Variants in MAP2 observed in about 807,000 individuals in gnomAD.
MAP2 encodes the protein microtubule associated protein 2, also known as microtubule-associated protein 2.
MAP2 carries 14 observed loss-of-function variants against 137.6 expected under a neutral mutation model. The observed-to-expected ratio is 0.10, with a 90% CI of 0.07 to 0.16. The LOEUF (loss-of-function observed/expected upper bound fraction) is 0.16, where lower values mean the gene tolerates loss of function less well. Ranked by LOEUF, MAP2 falls within the 10% of genes least tolerant of loss-of-function variation. The pLI is 1.00. For missense variants in MAP2, 2,088 were observed against 2,191.5 expected, an observed-to-expected ratio of 0.95 and a Z score of 0.94; for synonymous variants, 786 against 782.3, an observed-to-expected ratio of 1.00 and a Z score of -0.08.
At chr2:209,608,053 T>G (rs1049721608) in intron 3 of MAP2, among the ~76,000 whole-genome samples, 2 of 152,180 alleles carry the variant, frequency 1.3e-5, no homozygotes, top group Non-Finnish European at 2.9e-5. Context: ...AATGGAACAG[T>G]TGCCTTTTAC....
chr2:209,573,481 A>G (rs1289449222), intron 2 of MAP2, among the ~76,000 whole-genome samples: 1 of 151,498 alleles, frequency 6.6e-6, no homozygotes, highest in African/African-American at 2.4e-5. Flanking sequence ...TTTAGTAGAG[A>G]CAGGGTTTCC....
intron 1 of MAP2, among the ~76,000 whole-genome samples, chr2:209,424,743 A>T (rs984210306): frequency 1.3e-5 from 2 of 152,172 alleles, no homozygotes; most frequent in Admixed American, 1.3e-4. Flanking sequence ...AGCCTTGTCC[A>T]TTTCAAATCA....
chr2:209,649,680 T>C (rs2094648782), intron 4 of MAP2, among the ~76,000 whole-genome samples: 1 of 152,210 alleles, frequency 6.6e-6, no homozygotes, highest in Non-Finnish European at 1.5e-5. Context: ...CCTAAAATGA[T>C]CATTACTTAC....
At chr2:209,577,005 T>A (rs1034015797) in intron 2 of MAP2, among the ~76,000 whole-genome samples, 139 of 152,338 alleles carry the variant, frequency 9.1e-4, no homozygotes, top group Non-Finnish European at 4.4e-5. Context: ...GCTATTTTTT[T>A]AGACTGACCA....
intron 1 of MAP2, among the ~76,000 whole-genome samples, chr2:209,444,964 A>T (rs976232902): frequency 3.3e-5 from 5 of 151,482 alleles, no homozygotes; most frequent in Non-Finnish European, 7.4e-5. Context: ...CACTACTCTT[A>T]CAGACATGGT....
chr2:209,631,585 A>G (rs1258805247), intron 4 of MAP2, among the ~76,000 whole-genome samples: 1 of 151,982 alleles, frequency 6.6e-6, no homozygotes, highest in Non-Finnish European at 1.5e-5. Context: ...AAAAAAAAAA[A>G]GTAGTTAACA....
chr2:209,568,330 TTATGA>T (rs1328567110), intron 2 of MAP2, among the ~76,000 whole-genome samples: 1 of 151,996 alleles, frequency 6.6e-6, no homozygotes, highest in African/African-American at 2.4e-5. Context: ...ATCATTCCAC[TTATGA>T]TATTGTATTT....
At chr2:209,444,379 A>G (rs1403699184) in intron 1 of MAP2, among the ~76,000 whole-genome samples, 1 of 151,650 alleles carries the variant, frequency 6.6e-6, no homozygotes, top group Admixed American at 6.6e-5. Flanking sequence ...ACATAGGTGA[A>G]CATTTTTGTT....
intron 3 of MAP2, among the ~76,000 whole-genome samples, chr2:209,624,682 A>G (rs2091954201): frequency 6.6e-6 from 1 of 152,206 alleles, no homozygotes; most frequent in Non-Finnish European, 1.5e-5. Context: ...GATATAATTA[A>G]TGATTTACTA....
chr2:209,460,993 C>G lies in MAP2; in HGVS notation c.-222+36717C>G, dbSNP rs555187571. On this transcript the variant is annotated intron_variant, in intron 1 of 15. Transcript: ENST00000682079. ...TGAACTCCTGGCCTCAAGTGATCCA[C>G]CTACCTCAGCCTCCCAAAGTGCTGG... 5.3e-5 allele frequency among the ~76,000 whole-genome samples: 8 copies of G among 152,256 alleles called. No homozygotes were observed. The South Asian group carries it at 1.4e-3, about 28-fold the overall frequency.
rs1046145077 is a variant in MAP2 at position 209,433,423 on chromosome 2, A to G, written c.-222+9147A>G. ...AGAAAGACCAATGGTACTGGAGTCC[A>G]ACAGACACGGTAGAGGATACTGGGA... is the stretch of plus-strand genomic sequence containing the variant. On this transcript the variant is annotated intron_variant, in intron 1 of 15. Transcript: ENST00000682079. Among the ~76,000 whole-genome samples the G allele has an allele frequency of 2.6e-5, 4 of 152,226 alleles. No individual in the cohort carries two copies. In the South Asian group the frequency reaches 8.3e-4, roughly 32 times the overall value.
intron 4 of MAP2, among the ~76,000 whole-genome samples, chr2:209,627,005 A>AT (rs893693828): frequency 2.6e-5 from 4 of 152,072 alleles, no homozygotes; most frequent in East Asian, 1.9e-4. Context: ...CTAGAAAAAC[A>AT]TTTTTTTATT....
intron 2 of MAP2, among the ~76,000 whole-genome samples, chr2:209,570,114 A>C (rs1251998750): frequency 6.6e-6 from 1 of 151,878 alleles, no homozygotes; most frequent in Non-Finnish European, 1.5e-5. Context: ...GTAAAAATCT[A>C]TATTTTTAAT....
intron 1 of MAP2, among the ~76,000 whole-genome samples, chr2:209,425,554 A>G (rs1334840662): frequency 6.6e-6 from 1 of 152,216 alleles, no homozygotes; most frequent in Non-Finnish European, 1.5e-5. Flanking sequence ...TTGGTAAGGA[A>G]CTAATTTAAA....
At chr2:209,580,990 A>G (rs572651993) in intron 3 of MAP2, among the ~76,000 whole-genome samples, 22 of 152,302 alleles carry the variant, frequency 1.4e-4, no homozygotes, top group African/African-American at 5.3e-4. Flanking sequence ...ATCTATGTAT[A>G]ATATTTCCTC....
chr2:209,464,577 C>T (rs748865050), intron 1 of MAP2, among the ~76,000 whole-genome samples: 4 of 152,008 alleles, frequency 2.6e-5, no homozygotes, highest in Non-Finnish European at 5.9e-5. Flanking sequence ...AGTGATATTA[C>T]TCTACAGATA....
At position 209,710,179 on chromosome 2, in the gene MAP2, A is replaced by G; in HGVS notation, c.4998A>G (p.Pro1666=). 6.2e-7 allele frequency: 1 copy of G among 1,613,218 alleles called. No homozygotes were observed. Among genetic ancestry groups the G allele is most frequent in the Non-Finnish European group, 8.5e-7 (1 of 1,179,550 alleles). ...AGCAGCTTCGGCTTATTAACCAACC[A>G]CTGCCAGACCTGAAGAATGTCAAAT... ...TPKQLRLINQ[P]LPDLKNVKSK... The change falls in exon 13 of 16, where the codon CCA becomes CCG. Residue 1666 remains proline (P), a synonymous_variant. Transcript: ENST00000682079.
intron 5 of MAP2, among the ~76,000 whole-genome samples, chr2:209,663,859 G>T (rs946800270): frequency 6.6e-6 from 1 of 152,172 alleles, no homozygotes; most frequent in Admixed American, 6.5e-5. Context: ...TGCATTTGCC[G>T]AATGTAAATG....
intron 2 of MAP2, among the ~76,000 whole-genome samples, chr2:209,542,373 A>C (rs1381450856): frequency 6.6e-6 from 1 of 152,210 alleles, no homozygotes; most frequent in Non-Finnish European, 1.5e-5. Flanking sequence ...TAGATTTAGC[A>C]TCATTCTTAC....
Sources: gnomAD v4.1 joint callset for allele counts (sites outside exome capture counted in the v4.1 genomes callset) on GRCh38, gnomAD v4.1.1 for gene constraint, MANE v1.5 for transcripts, NCBI Gene and HGNC (gene_info 2026-07-23, HGNC 2026-07-21) for gene names.